The following KYNU variants were observed in gnomAD, a reference collection of about 807,000 sequenced individuals.
KYNU encodes L-kynurenine hydrolase.
In KYNU, 54 loss-of-function variants were observed where a neutral mutation model predicts 59.2. That is an observed-to-expected ratio of 0.91 (90% CI 0.73 to 1.14). The LOEUF (loss-of-function observed/expected upper bound fraction) is 1.14. KYNU is among the 50% of genes most tolerant of loss of function. The probability of loss-of-function intolerance (pLI) is 0.00; values close to 1 mark genes in which losing one functional copy is unlikely to be tolerated. For missense variants in KYNU, 567 were observed against 554.4 expected (o/e 1.02, Z -0.23); for synonymous variants, 177 against 192.0 (o/e 0.92, Z 0.65).
rs1687100058 is a variant in KYNU at position 143,042,966 on chromosome 2, GT to G, written c.*799del. 1.3e-5 allele frequency: 2 copies of G among 151,492 alleles called. No homozygotes were observed. Among genetic ancestry groups the G allele is most frequent in the African/African-American group, 4.8e-5 (2 of 41,246 alleles). 9.4% of individuals were successfully genotyped at this position (151,492 alleles called of 1,614,324 possible). ...AATAGTCTAAATAGCAAAAATAAAAGTTTTTACAATTATTTGCCTGTGCTCT... is the reference window on the plus strand; with the variant it reads ...AATAGTCTAAATAGCAAAAATAAAAGTTTTACAATTATTTGCCTGTGCTCT... On this transcript the variant is annotated 3_prime_UTR_variant, in exon 14 of 14. Coordinates refer to ENST00000264170, the MANE Select transcript of KYNU (RefSeq NM_003937.3).
intron 4 of KYNU, among the ~76,000 whole-genome samples, chr2:142,949,252 C>T (rs1306332582): frequency 6.6e-6 from 1 of 152,192 alleles, no homozygotes. Flanking sequence ...ATGGTGCAAG[C>T]TGTCAGTGGA....
At position 143,048,528 on chromosome 2, in the gene KYNU, A is replaced by C. The variant is rs182482480; in HGVS notation, c.*6356A>C. 2.6e-5 allele frequency: 4 copies of C among 152,052 alleles called. No homozygotes were observed. Among genetic ancestry groups the C allele is most frequent in the Admixed American group, 2.6e-4 (4 of 15,246 alleles). The allele number at this position is 152,052 out of a possible 1,614,324, so 9.4% of individuals were successfully genotyped here. A position where few individuals can be genotyped will look rare whatever the true frequency, so the allele number is the denominator to read the frequency against. On this transcript the variant is annotated 3_prime_UTR_variant, in exon 14 of 14. Coordinates refer to ENST00000264170, the MANE Select transcript of KYNU (RefSeq NM_003937.3). ...TTGCTATTTCTCCCTACAATTCAGA[A>C]TTTTATTTATGGATGAAGTACATAT...
rs539133271 is a variant in KYNU at position 142,935,114 on chromosome 2, C to T, written c.373+7373C>T. Among the ~76,000 whole-genome samples, 10 of 152,244 alleles carry T rather than the reference C, an allele frequency of 6.6e-5. No individual in the cohort carries two copies. In the South Asian group the frequency reaches 8.3e-4, roughly 13 times the overall value. ...AGGTCTCCATGTGGGGTTTGAGGGC[C>T]GTCATCAAGCTTCTGAAGTTTGCGT... is the stretch of plus-strand genomic sequence containing the variant. On this transcript the variant is annotated intron_variant, in intron 4 of 13. Coordinates refer to ENST00000264170, the MANE Select transcript of KYNU (RefSeq NM_003937.3).
chr2:142,912,875 A>AC (rs1682538512), intron 2 of KYNU, among the ~76,000 whole-genome samples: 1 of 149,282 alleles, frequency 6.7e-6, no homozygotes, highest in Non-Finnish European at 1.5e-5. Context: ...GCACCTGGCT[A>AC]ATTTTTTTTT....
rs139342952 is a variant in KYNU at position 143,053,592 on chromosome 2, A to C, written c.*11420A>C. The C allele has an allele frequency of 6.6e-6, 1 of 152,274 alleles. No homozygotes were observed. The highest frequency in any genetic ancestry group is 1.9e-4 in the East Asian group (1 of 5,182). The allele number at this position is 152,274 out of a possible 1,614,324, so 9.4% of individuals were successfully genotyped here. A position where few individuals can be genotyped will look rare whatever the true frequency, so the allele number is the denominator to read the frequency against. On this transcript the variant is annotated 3_prime_UTR_variant, in exon 14 of 14. Coordinates refer to ENST00000264170, the MANE Select transcript of KYNU (RefSeq NM_003937.3). ...GGCAGGTCTTTTCTGTGCTGTTCTC[A>C]TGATGGTGAGTAAGTCTCATGAGAT... is the stretch of plus-strand genomic sequence containing the variant.
intron 1 of KYNU, among the ~76,000 whole-genome samples, chr2:142,879,822 G>C (rs1198030503): frequency 6.6e-6 from 1 of 152,194 alleles, no homozygotes; most frequent in Admixed American, 6.5e-5. Context: ...ACGCTAATGA[G>C]TATCATTTTT....
At chr2:142,972,813 T>TATAGAGAGAG (rs1478067181) in intron 8 of KYNU, among the ~76,000 whole-genome samples, 257 of 124,192 alleles carry the variant, frequency 2.1e-3, no homozygotes, top group South Asian at 6.6e-3. Flanking sequence ...TATATATATA[T>TATAGAGAGAG]AGAGAGAGAG....
At chr2:142,933,154 C>A (rs6714694) in intron 4 of KYNU, among the ~76,000 whole-genome samples, 20,215 of 152,114 alleles carry the variant, frequency 0.13, 1,616 homozygotes, top group African/African-American at 0.22. Flanking sequence ...CAGCAGCTGC[C>A]GCCAATGGTC....
chr2:142,913,056 T>C (rs1682550483), intron 2 of KYNU, among the ~76,000 whole-genome samples: 1 of 152,166 alleles, frequency 6.6e-6, no homozygotes, highest in African/African-American at 2.4e-5. Flanking sequence ...TCATCTTTGT[T>C]GTTTCTGACT....
At position 142,910,703 on chromosome 2, in the gene KYNU, T is replaced by G. The variant is rs570762455; in HGVS notation, c.170-7906T>G. ...GTTTTCTTCTAGGAATTTTATAATTTTAGGTCTTACATTTTAGTCTTATCC... is the reference window on the plus strand; with the variant it reads ...GTTTTCTTCTAGGAATTTTATAATTGTAGGTCTTACATTTTAGTCTTATCC... On this transcript the variant is annotated intron_variant, in intron 2 of 13. Coordinates refer to ENST00000264170, the MANE Select transcript of KYNU (RefSeq NM_003937.3). 5.9e-5 allele frequency among the ~76,000 whole-genome samples: 9 copies of G among 152,302 alleles called. No homozygotes were observed. The East Asian group carries it at 1.7e-3, about 29-fold the overall frequency.
chr2:142,914,783 G>A (rs1682617415), intron 2 of KYNU, among the ~76,000 whole-genome samples: 1 of 152,218 alleles, frequency 6.6e-6, no homozygotes, highest in Admixed American at 6.5e-5. Context: ...TAAATGTTGT[G>A]TGTGTTCTGA....
chr2:142,969,228 G>A lies in KYNU; in HGVS notation c.729+8458G>A, dbSNP rs540771817. ...AATATTTTTGGGTATGCTTATATAC[G>A]TGTATATGTACGTGTATATATATAC... On this transcript the variant is annotated intron_variant, in intron 8 of 13. Coordinates refer to ENST00000264170, the MANE Select transcript of KYNU (RefSeq NM_003937.3). Among the ~76,000 whole-genome samples, 7 of 152,136 alleles carry A rather than the reference G, an allele frequency of 4.6e-5. No individual in the cohort carries two copies. The East Asian group carries it at 5.8e-4, about 13-fold the overall frequency.
intron 7 of KYNU, among the ~76,000 whole-genome samples, chr2:142,960,104 C>T (rs1048276537): frequency 6.6e-5 from 10 of 152,182 alleles, no homozygotes; most frequent in Admixed American, 3.9e-4. Flanking sequence ...CCAAGCTGGT[C>T]TCAAACTCCT....
chr2:143,046,427 T>C lies in KYNU; in HGVS notation c.*4255T>C, dbSNP rs1275190125. ...TTTAGGGAAGAGTCATAAACCATCT[T>C]TAAGTTCTCCTATGTTACAAGTAAT... is the stretch of plus-strand genomic sequence containing the variant. On this transcript the variant is annotated 3_prime_UTR_variant, in exon 14 of 14. Coordinates refer to ENST00000264170, the MANE Select transcript of KYNU (RefSeq NM_003937.3). 1 of 152,154 alleles carries C rather than the reference T, an allele frequency of 6.6e-6. No homozygotes were observed. Among genetic ancestry groups the C allele is most frequent in the Non-Finnish European group, 1.5e-5 (1 of 68,036 alleles). 9.4% of individuals were successfully genotyped at this position (152,154 alleles called of 1,614,324 possible).
intron 8 of KYNU, among the ~76,000 whole-genome samples, chr2:142,982,393 TAA>T (rs996346880): frequency 6.6e-6 from 1 of 152,124 alleles, no homozygotes; most frequent in Non-Finnish European, 1.5e-5. Context: ...TGCAGTAAGT[TAA>T]ATGACTTTGA....
At chr2:143,029,525 G>A (rs1256375840) in intron 10 of KYNU, 102 bp from the exon 11 acceptor site, 9 of 743,356 alleles carry the variant, frequency 1.2e-5, no homozygotes, top group Non-Finnish European at 2.0e-5. Flanking sequence ...GGCAGAGGTG[G>A]CAGTGAGCTG....
At chr2:142,900,791 A>T (rs1381340368) in intron 2 of KYNU, among the ~76,000 whole-genome samples, 2 of 152,060 alleles carry the variant, frequency 1.3e-5, no homozygotes, top group Non-Finnish European at 2.9e-5. Context: ...TTCAGTTGAG[A>T]TTTCCTCTGG....
chr2:142,880,132 G>A (rs1180082763), intron 1 of KYNU, among the ~76,000 whole-genome samples: 2 of 152,146 alleles, frequency 1.3e-5, no homozygotes, highest in Non-Finnish European at 2.9e-5. Context: ...GGCGGCAGGG[G>A]TACTCTGTCT....
intron 10 of KYNU, among the ~76,000 whole-genome samples, chr2:143,006,843 G>A (rs1316639141): frequency 2.0e-5 from 3 of 151,874 alleles, no homozygotes. Context: ...TGCAGCTGAG[G>A]GTCCTGTCTG....
Sources: gnomAD v4.1 joint callset for allele counts (sites outside exome capture counted in the v4.1 genomes callset) on GRCh38, gnomAD v4.1.1 for gene constraint, MANE v1.5 for transcripts, NCBI Gene and HGNC (gene_info 2026-07-23, HGNC 2026-07-21) for gene names.